The following MBNL2 variants were observed in gnomAD, a reference collection of about 807,000 sequenced individuals.
MBNL2 encodes the protein muscleblind like splicing regulator 2.
A neutral mutation model predicts 41.9 loss-of-function variants in MBNL2; 17 were observed. The observed-to-expected ratio is 0.41, with a 90% CI of 0.28 to 0.61. The LOEUF is 0.61. MBNL2 is among the 20% of genes least tolerant of loss of function. MBNL2 has a pLI of 0.35. For synonymous variants in MBNL2, 195 were observed against 182.9 expected, an observed-to-expected ratio of 1.07 and a Z score of -0.53; for missense variants, 336 against 505.6, an observed-to-expected ratio of 0.66 and a Z score of 3.22.
chr13:97,156,967 C>T, the MBNL2 span, among the ~76,000 whole-genome samples: 1 of 151,190 alleles, frequency 6.6e-6, no homozygotes, highest in Non-Finnish European at 1.5e-5. Context: ...GGCATTGAGT[C>T]TGTAAATTAC....
chr13:97,159,644 C>T, the MBNL2 span, among the ~76,000 whole-genome samples: 1 of 149,468 alleles, frequency 6.7e-6, no homozygotes, highest in South Asian at 2.1e-4. Context: ...TTTATTTCTC[C>T]TTCACTTATG....
intron 2 of MBNL2, among the ~76,000 whole-genome samples, chr13:97,299,620 G>T (rs992568248): frequency 1.3e-5 from 2 of 151,446 alleles, no homozygotes; most frequent in African/African-American, 4.9e-5. Flanking sequence ...GTGAAATACT[G>T]TATATTTAGA....
chr13:97,284,683 C>CT (rs1298290717), intron 2 of MBNL2, among the ~76,000 whole-genome samples: 1 of 152,176 alleles, frequency 6.6e-6, no homozygotes, highest in African/African-American at 2.4e-5. Context: ...ACACTGTAGT[C>CT]TAAGTCAATT....
the MBNL2 span, among the ~76,000 whole-genome samples, chr13:97,198,574 C>T: frequency 2.6e-5 from 4 of 151,514 alleles, no homozygotes; most frequent in African/African-American, 9.7e-5. Context: ...TCTGAAGAAT[C>T]CTGATTAATA....
At chr13:97,195,001 A>G in the MBNL2 span, among the ~76,000 whole-genome samples, 1 of 152,152 alleles carries the variant, frequency 6.6e-6, no homozygotes, top group African/African-American at 2.4e-5. Context: ...TGCTCTGCCT[A>G]TGGAGTGGCC....
chr13:97,389,985 A>G (rs1266085020), intron 8 of MBNL2, among the ~76,000 whole-genome samples: 1 of 152,156 alleles, frequency 6.6e-6, no homozygotes, highest in Non-Finnish European at 1.5e-5. Flanking sequence ...TGCTGTGTTT[A>G]CATATAAAAT....
In MBNL2 at chr13:97,365,182, A is replaced by G. The variant is rs773873707; in HGVS notation, c.1048+11A>G. 46 of 1,585,626 alleles carry G rather than the reference A, an allele frequency of 2.9e-5. No homozygotes were observed. Among genetic ancestry groups the G allele is most frequent in the Non-Finnish European group, 3.7e-5 (43 of 1,154,236 alleles). On this transcript the variant is annotated intron_variant, in intron 8 of 8. Transcript: ENST00000679496. ...CCGCTACCAGTATTGGTAGGTTTCAACCTTTTTTATTTGTCTTTTATATGA... is the reference window on the plus strand; with the variant it reads ...CCGCTACCAGTATTGGTAGGTTTCAGCCTTTTTTATTTGTCTTTTATATGA...
At chr13:97,356,059 G>A (rs1269750320) in intron 5 of MBNL2, among the ~76,000 whole-genome samples, 1 of 152,138 alleles carries the variant, frequency 6.6e-6, no homozygotes, top group African/African-American at 2.4e-5. Flanking sequence ...GAATACAAGT[G>A]GGGAATTCTG....
chr13:97,265,052 A>G (rs908753734), intron 1 of MBNL2, among the ~76,000 whole-genome samples: 1 of 152,278 alleles, frequency 6.6e-6, no homozygotes, highest in Non-Finnish European at 1.5e-5. Flanking sequence ...AGTGAAAAAC[A>G]TAATTTGAAT....
intron 7 of MBNL2, chr13:97,362,829 A>G (rs559380702): frequency 6.6e-6 from 1 of 152,302 alleles, no homozygotes; most frequent in Non-Finnish European, 1.5e-5. Context: ...CAGATGTGGC[A>G]GTAGTGATGG....
At chr13:97,202,647 T>A in the MBNL2 span, among the ~76,000 whole-genome samples, 1 of 152,182 alleles carries the variant, frequency 6.6e-6, no homozygotes, top group Non-Finnish European at 1.5e-5. Flanking sequence ...AAGACGTGAA[T>A]ACCATTATCC....
intron 2 of MBNL2, among the ~76,000 whole-genome samples, chr13:97,331,835 T>C (rs78892694): frequency 0.035 from 5,263 of 152,308 alleles, 286 homozygotes; most frequent in African/African-American, 0.11. Flanking sequence ...AAGGTTTCAT[T>C]GATAAACTAC....
At chr13:97,348,668 C>T (rs1002714444) in intron 5 of MBNL2, among the ~76,000 whole-genome samples, 1 of 152,076 alleles carries the variant, frequency 6.6e-6, no homozygotes, top group African/African-American at 2.4e-5. Flanking sequence ...AATAGTTAAT[C>T]GGGTCCAGAG....
the MBNL2 span, among the ~76,000 whole-genome samples, chr13:97,202,641 C>T: frequency 0.06 from 9,071 of 152,116 alleles, 316 homozygotes; most frequent in African/African-American, 0.074. Context: ...AAATTAAAGA[C>T]GTGAATACCA....
intron 2 of MBNL2, among the ~76,000 whole-genome samples, chr13:97,281,268 C>A (rs1189334294): frequency 1.3e-5 from 2 of 152,316 alleles, no homozygotes; most frequent in African/African-American, 4.8e-5. Flanking sequence ...GTGATTGACA[C>A]CCCCTGGAGT....
intron 1 of MBNL2, among the ~76,000 whole-genome samples, chr13:97,254,214 T>A (rs144905811): frequency 2.0e-5 from 3 of 152,200 alleles, no homozygotes; most frequent in Non-Finnish European, 1.5e-5. Context: ...ATATGTAAAA[T>A]TTTAACTATT....
upstream of MBNL2, chr13:97,221,686 C>T (rs1394346587): frequency 6.6e-6 from 1 of 152,120 alleles, no homozygotes; most frequent in Non-Finnish European, 1.5e-5. Flanking sequence ...GTCCAGCATT[C>T]CCTAATCGAA....
chr13:97,169,063 T>C, the MBNL2 span, among the ~76,000 whole-genome samples: 2 of 152,176 alleles, frequency 1.3e-5, no homozygotes, highest in Non-Finnish European at 2.9e-5. Flanking sequence ...TCGCATGGCT[T>C]CTCATTTCTG....
At chr13:97,250,263 G>A (rs1027492755) in intron 1 of MBNL2, among the ~76,000 whole-genome samples, 3 of 152,086 alleles carry the variant, frequency 2.0e-5, no homozygotes, top group African/African-American at 7.2e-5. Context: ...ATATTCTCCA[G>A]CTCATTGGTT....
Sources: allele counts gnomAD v4.1 joint callset (sites outside exome capture counted in the v4.1 genomes callset), GRCh38; gene constraint gnomAD v4.1.1; transcripts MANE v1.5; gene names NCBI Gene and HGNC (gene_info 2026-07-23, HGNC 2026-07-21).